NRXN3: variants seen among roughly 807,000 people sequenced by gnomAD.
NRXN3 encodes the protein neurexin III.
NRXN3 carries 32 observed loss-of-function variants against 137.6 expected under a neutral mutation model. The ratio of observed to expected loss-of-function variants is 0.23; its 90% CI spans 0.18 to 0.31. The LOEUF is 0.31. Ranked by LOEUF, NRXN3 falls within the 10% of genes least tolerant of loss-of-function variation. The pLI is 1.00. For synonymous variants in NRXN3, 798 were observed against 784.5 expected (o/e 1.02, Z -0.29); for missense variants, 1,574 against 2,062.5 (o/e 0.76, Z 4.59).
intron 7 of NRXN3, among the ~76,000 whole-genome samples, chr14:78,711,431 T>C (rs12590912): frequency 8.4e-6 from 1 of 118,888 alleles, no homozygotes; most frequent in Non-Finnish European, 1.6e-5. Flanking sequence ...CTAATTCTTT[T>C]CTCTTTTTTT....
chr14:79,240,245 T>C (rs112126548), intron 15 of NRXN3, among the ~76,000 whole-genome samples: 235 of 152,246 alleles, frequency 1.5e-3, no homozygotes, highest in African/African-American at 5.2e-3. Flanking sequence ...ATCCATCTGA[T>C]TGAAGACCAT....
chr14:79,355,795 A>G (rs1316657926), intron 15 of NRXN3, among the ~76,000 whole-genome samples: 3 of 152,162 alleles, frequency 2.0e-5, no homozygotes, highest in African/African-American at 7.2e-5. Flanking sequence ...AGCTGATCCT[A>G]TCTCAACCTC....
chr14:79,496,981 C>T (rs2096773409), intron 16 of NRXN3, among the ~76,000 whole-genome samples: 1 of 152,194 alleles, frequency 6.6e-6, no homozygotes, highest in African/African-American at 2.4e-5. Flanking sequence ...CTCACTCCAC[C>T]ATAACCCCAC....
chr14:79,486,620 A>G (rs2096657804), intron 16 of NRXN3, among the ~76,000 whole-genome samples: 1 of 152,162 alleles, frequency 6.6e-6, no homozygotes, highest in African/African-American at 2.4e-5. Flanking sequence ...CTCATTTTAG[A>G]TATGAAGATA....
At chr14:78,289,775 G>A (rs61976016) in intron 3 of NRXN3, among the ~76,000 whole-genome samples, 5,118 of 152,162 alleles carry the variant, frequency 0.034, 116 homozygotes, top group African/African-American at 0.064. Flanking sequence ...TTAGCTGGGC[G>A]TGGTGGCAGA....
intron 15 of NRXN3, among the ~76,000 whole-genome samples, chr14:79,049,307 C>T (rs1314377658): frequency 6.6e-6 from 1 of 152,046 alleles, no homozygotes; most frequent in African/African-American, 2.4e-5. Context: ...GAATCTTCAC[C>T]AGGAATAAAT....
At chr14:79,654,008 T>C (rs1007535661) in intron 16 of NRXN3, among the ~76,000 whole-genome samples, 1 of 152,218 alleles carries the variant, frequency 6.6e-6, no homozygotes, top group African/African-American at 2.4e-5. Flanking sequence ...AGCTGAAGTG[T>C]TGAAGGACAT....
At chr14:78,217,744 C>T (rs1010679068) in intron 1 of NRXN3, among the ~76,000 whole-genome samples, 1 of 152,226 alleles carries the variant, frequency 6.6e-6, no homozygotes, top group African/African-American at 2.4e-5. Flanking sequence ...TCACTGCAAA[C>T]TCCACCTCCT....
At chr14:79,612,184 C>T (rs2098111772) in intron 16 of NRXN3, among the ~76,000 whole-genome samples, 1 of 152,128 alleles carries the variant, frequency 6.6e-6, no homozygotes, top group Non-Finnish European at 1.5e-5. Flanking sequence ...CTTCTTTGCA[C>T]ACTTTGTTTA....
chr14:79,825,232 C>T (rs1453257012), intron 20 of NRXN3, among the ~76,000 whole-genome samples: 1 of 133,312 alleles, frequency 7.5e-6, no homozygotes, highest in Non-Finnish European at 1.6e-5. Context: ...TTTTTACGGC[C>T]GTCCAATTTT....
chr14:79,630,071 C>T (rs1159772268), intron 16 of NRXN3, among the ~76,000 whole-genome samples: 1 of 152,162 alleles, frequency 6.6e-6, no homozygotes, highest in Non-Finnish European at 1.5e-5. Context: ...GAGTCAGCTC[C>T]TGCAATGCAA....
intron 8 of NRXN3, among the ~76,000 whole-genome samples, chr14:78,716,290 G>T (rs2098433636): frequency 6.6e-6 from 1 of 152,198 alleles, no homozygotes; most frequent in Admixed American, 6.5e-5. Flanking sequence ...TATATGCCAA[G>T]CACACAGAAT....
At chr14:79,667,503 G>T (rs756434287) in intron 17 of NRXN3, among the ~76,000 whole-genome samples, 29 of 152,116 alleles carry the variant, frequency 1.9e-4, no homozygotes, top group Non-Finnish European at 1.0e-4. Context: ...ATCCCACCGT[G>T]AAATATTTAG....
intron 4 of NRXN3, among the ~76,000 whole-genome samples, chr14:78,372,389 A>C (rs2087014167): frequency 6.6e-6 from 1 of 151,544 alleles, no homozygotes; most frequent in Non-Finnish European, 1.5e-5. Flanking sequence ...CCCAGGCTGG[A>C]GTGCAGTTCA....
At chr14:78,870,351 CT>C (rs2099098280) in intron 10 of NRXN3, among the ~76,000 whole-genome samples, 1 of 152,072 alleles carries the variant, frequency 6.6e-6, no homozygotes. Flanking sequence ...ATAGATCATC[CT>C]TTGTAATCTA....
At chr14:78,348,662 A>G (rs1441446816) in intron 4 of NRXN3, among the ~76,000 whole-genome samples, 2 of 152,134 alleles carry the variant, frequency 1.3e-5, no homozygotes, top group Non-Finnish European at 2.9e-5. Flanking sequence ...GACCAACAGC[A>G]TCTGTATCAC....
chr14:78,913,558 G>A (rs2099246738), intron 10 of NRXN3, among the ~76,000 whole-genome samples: 1 of 151,902 alleles, frequency 6.6e-6, no homozygotes, highest in Admixed American at 6.6e-5. Flanking sequence ...GATTATAGAT[G>A]TGAGCCACCG....
intron 19 of NRXN3, among the ~76,000 whole-genome samples, chr14:79,759,846 G>A (rs1055373286): frequency 2.6e-5 from 4 of 151,630 alleles, no homozygotes; most frequent in Non-Finnish European, 5.9e-5. Context: ...GGCAATGGAA[G>A]TCAGATCAAA....
intron 17 of NRXN3, among the ~76,000 whole-genome samples, chr14:79,671,310 A>AGTT (rs1321912040): frequency 6.6e-6 from 1 of 152,120 alleles, no homozygotes; most frequent in African/African-American, 2.4e-5. Flanking sequence ...ACCCTAGAAC[A>AGTT]GTTGCATATC....
Sources: allele counts gnomAD v4.1 joint callset (sites outside exome capture counted in the v4.1 genomes callset), GRCh38; gene constraint gnomAD v4.1.1; transcripts MANE v1.5; gene names NCBI Gene and HGNC (gene_info 2026-07-23, HGNC 2026-07-21).